NAALADL2: variants seen among roughly 807,000 people sequenced by gnomAD.
NAALADL2 encodes the protein N-acetylated alpha-linked acidic dipeptidase like 2, also known as inactive N-acetylated-alpha-linked acidic dipeptidase-like protein 2.
In NAALADL2, 76 loss-of-function variants were observed where a neutral mutation model predicts 87.2. That is an observed-to-expected ratio of 0.87 (90% confidence interval 0.72 to 1.05). The LOEUF is 1.05. Among genes scored for constraint, NAALADL2 ranks in the 50% least tolerant of loss-of-function variants. The pLI is 0.00. For missense variants in NAALADL2, 1,089 were observed against 945.8 expected (o/e 1.15, Z -1.99); for synonymous variants, 354 against 331.0 (o/e 1.07, Z -0.75).
chr3:174,654,206 C>A (rs1724672426), intron 2 of NAALADL2, among the ~76,000 whole-genome samples: 1 of 151,914 alleles, frequency 6.6e-6, no homozygotes, highest in Non-Finnish European at 1.5e-5. Context: ...CTCTGCTATG[C>A]TTTTGATAAA....
At chr3:175,714,785 T>C (rs2150011652) in intron 11 of NAALADL2, among the ~76,000 whole-genome samples, 2 of 152,262 alleles carry the variant, frequency 1.3e-5, no homozygotes, top group Middle Eastern at 6.8e-3. Flanking sequence ...TTTGGTGTTT[T>C]AGTCCCTATT....
intron 4 of NAALADL2, among the ~76,000 whole-genome samples, chr3:175,296,092 C>CCTTCCACATTGTCTCATAAAAATCTGAG (rs57761981): frequency 6.7e-6 from 1 of 150,226 alleles, no homozygotes; most frequent in South Asian, 2.1e-4. Flanking sequence ...ATTAGTGAGT[C>CCTTCCACATTGTCTCATAAAAATCTGAG]TCTGCTACAA....
chr3:175,013,885 A>G (rs1750484299), intron 1 of NAALADL2, among the ~76,000 whole-genome samples: 1 of 152,100 alleles, frequency 6.6e-6, no homozygotes, highest in Admixed American at 6.6e-5. Context: ...ATGTATAATA[A>G]TAATTTGTCA....
chr3:174,544,927 G>C (rs1029159792), intron 1 of NAALADL2, among the ~76,000 whole-genome samples: 1 of 152,020 alleles, frequency 6.6e-6, no homozygotes, highest in African/African-American at 2.4e-5. Context: ...CCAGGCTGAA[G>C]TGCAGTGGTA....
chr3:175,393,473 T>A (rs1467091259), intron 5 of NAALADL2, among the ~76,000 whole-genome samples: 1 of 152,014 alleles, frequency 6.6e-6, no homozygotes, highest in Non-Finnish European at 1.5e-5. Context: ...TGTCTTTTTA[T>A]AATTTTTTAG....
intron 1 of NAALADL2, among the ~76,000 whole-genome samples, chr3:174,912,402 T>G (rs1733819135): frequency 1.3e-5 from 2 of 151,518 alleles, no homozygotes; most frequent in Non-Finnish European, 2.9e-5. Flanking sequence ...TCCTTAGGAA[T>G]AGCAGAACAA....
intron 1 of NAALADL2, among the ~76,000 whole-genome samples, chr3:174,448,178 A>T (rs1715199123): frequency 6.6e-6 from 1 of 152,204 alleles, no homozygotes; most frequent in Non-Finnish European, 1.5e-5. Flanking sequence ...GAATGGTATG[A>T]AAAGGTACTG....
At chr3:174,905,329 G>A (rs1046417942) in intron 1 of NAALADL2, among the ~76,000 whole-genome samples, 11 of 151,840 alleles carry the variant, frequency 7.2e-5, no homozygotes, top group Admixed American at 1.3e-4. Flanking sequence ...ATTTGGAATA[G>A]AATTTGTTGA....
At chr3:174,919,915 C>T (rs542489691) in intron 1 of NAALADL2, among the ~76,000 whole-genome samples, 2 of 152,240 alleles carry the variant, frequency 1.3e-5, no homozygotes, top group African/African-American at 4.8e-5. Context: ...TTGTACACCT[C>T]CACTCCACCT....
chr3:175,303,821 T>A (rs1211790178), intron 4 of NAALADL2, among the ~76,000 whole-genome samples: 1 of 152,186 alleles, frequency 6.6e-6, no homozygotes, highest in Non-Finnish European at 1.5e-5. Flanking sequence ...TGACTTTTCA[T>A]CCACTTGATT....
At chr3:175,548,878 G>C (rs1198488888) in intron 9 of NAALADL2, among the ~76,000 whole-genome samples, 1 of 151,922 alleles carries the variant, frequency 6.6e-6, no homozygotes, top group Non-Finnish European at 1.5e-5. Context: ...GTATTAGTGG[G>C]TGATTCATAG....
chr3:175,529,074 G>A (rs1001510888), intron 9 of NAALADL2, among the ~76,000 whole-genome samples: 1 of 152,132 alleles, frequency 6.6e-6, no homozygotes, highest in Non-Finnish European at 1.5e-5. Context: ...TGCCTGGATT[G>A]AGCTATAATT....
chr3:174,584,302 C>T lies in NAALADL2; in HGVS notation c.-115+33665C>T, dbSNP rs182004370. 2.4e-4 allele frequency among the ~76,000 whole-genome samples: 37 copies of T among 152,142 alleles called. No homozygotes were observed. The East Asian group carries it at 6.2e-3, about 25-fold the overall frequency. Reference sequence around the variant, plus strand: ...AAGCAAGTAATCAGATACACATAAACGTATAAGGTCACTGGGTGTAGGGTG... The same window carrying T: ...AAGCAAGTAATCAGATACACATAAATGTATAAGGTCACTGGGTGTAGGGTG... On this transcript the variant is annotated intron_variant, in intron 2 of 3. Transcript: ENST00000434257.
At chr3:175,526,962 T>A (rs1337757191) in intron 9 of NAALADL2, among the ~76,000 whole-genome samples, 1 of 152,176 alleles carries the variant, frequency 6.6e-6, no homozygotes, top group Non-Finnish European at 1.5e-5. Context: ...TTCTAAAGAT[T>A]TGTCATTCTT....
At chr3:174,445,717 A>C (rs2108262432) in intron 1 of NAALADL2, among the ~76,000 whole-genome samples, 1 of 152,216 alleles carries the variant, frequency 6.6e-6, no homozygotes, top group African/African-American at 2.4e-5. Context: ...ATCTATAGTG[A>C]TATTTGGTAT....
intron 5 of NAALADL2, among the ~76,000 whole-genome samples, chr3:175,415,387 C>T (rs941558901): frequency 2.6e-5 from 4 of 152,060 alleles, no homozygotes; most frequent in South Asian, 2.1e-4. Flanking sequence ...AAGAACAACT[C>T]GGTTAAGCTG....
chr3:174,872,402 C>G (rs1727941784), intron 1 of NAALADL2, among the ~76,000 whole-genome samples: 1 of 152,140 alleles, frequency 6.6e-6, no homozygotes, highest in South Asian at 2.1e-4. Context: ...ATTCGGGATT[C>G]AAACTGTCTG....
chr3:175,641,289 T>C (rs189647835), intron 11 of NAALADL2, among the ~76,000 whole-genome samples: 75 of 152,312 alleles, frequency 4.9e-4, no homozygotes, highest in Non-Finnish European at 7.4e-5. Context: ...CAACTTTTTC[T>C]TCAAAGGTCT....
At chr3:175,147,130 A>G (rs1302448137) in intron 2 of NAALADL2, among the ~76,000 whole-genome samples, 1 of 152,202 alleles carries the variant, frequency 6.6e-6, no homozygotes, top group African/African-American at 2.4e-5. Flanking sequence ...AGGGATACAC[A>G]TGCAGGTTTG....
Sources: gnomAD v4.1 joint callset for allele counts (sites outside exome capture counted in the v4.1 genomes callset) on GRCh38, gnomAD v4.1.1 for gene constraint, MANE v1.5 for transcripts, NCBI Gene and HGNC (gene_info 2026-07-23, HGNC 2026-07-21) for gene names.